DAAM1: variants seen among roughly 807,000 people sequenced by gnomAD.
DAAM1 encodes dishevelled associated activator of morphogenesis 1, also known as disheveled-associated activator of morphogenesis 1.
Under a neutral mutation model 130.0 loss-of-function variants are expected in DAAM1, and 52 were observed. That is an observed-to-expected ratio of 0.40 (90% CI 0.32 to 0.50). The LOEUF (loss-of-function observed/expected upper bound fraction) is 0.50, where lower values mean the gene tolerates loss of function less well. Among genes scored for constraint, DAAM1 ranks in the 20% least tolerant of loss-of-function variants. The pLI is 0.61. For synonymous variants in DAAM1, 452 were observed against 444.5 expected (o/e 1.02, Z -0.21); for missense variants, 1,134 against 1,303.8 (o/e 0.87, Z 2.01).
At chr14:59,359,906 G>A (rs1886638971) in intron 21 of DAAM1, among the ~76,000 whole-genome samples, 1 of 152,112 alleles carries the variant, frequency 6.6e-6, no homozygotes, top group South Asian at 2.1e-4. Context: ...TGCAAATGAA[G>A]AAACTAAAAA....
At chr14:59,355,404 G>C (rs1886438476) in intron 20 of DAAM1, 71 bp downstream of exon 20, 2 of 1,573,250 alleles carry the variant, frequency 1.3e-6, no homozygotes, top group African/African-American at 1.4e-5. Flanking sequence ...ATGCCTCTCT[G>C]GTCCTCCTCA....
At chr14:59,364,887 AT>A (rs1886854972) in intron 23 of DAAM1, among the ~76,000 whole-genome samples, 1 of 150,082 alleles carries the variant, frequency 6.7e-6, no homozygotes, top group African/African-American at 2.4e-5. Context: ...CAGTCAACTC[AT>A]GTCAGCAACC....
At chr14:59,226,907 C>T (rs1422173658) in intron 1 of DAAM1, among the ~76,000 whole-genome samples, 3 of 152,102 alleles carry the variant, frequency 2.0e-5, no homozygotes, top group Admixed American at 1.3e-4. Flanking sequence ...TGGCATTGCC[C>T]AACTCCAGTC....
intron 15 of DAAM1, among the ~76,000 whole-genome samples, chr14:59,337,927 GTTTA>G (rs891267822): frequency 5.3e-5 from 8 of 152,104 alleles, no homozygotes; most frequent in African/African-American, 1.2e-4. Context: ...ATCAAAAAAA[GTTTA>G]TTTATTTATG....
chr14:59,227,482 G>C (rs945672275), intron 1 of DAAM1, among the ~76,000 whole-genome samples: 1 of 152,210 alleles, frequency 6.6e-6, no homozygotes, highest in African/African-American at 2.4e-5. Context: ...CCAGGTACTA[G>C]AAGTATGATT....
intron 15 of DAAM1, among the ~76,000 whole-genome samples, chr14:59,338,820 G>A (rs1028858046): frequency 1.3e-5 from 2 of 151,868 alleles, no homozygotes; most frequent in African/African-American, 2.4e-5. Context: ...TATAAGACTT[G>A]GACTATTGTC....
chr14:59,331,567 T>C (rs1885443986), intron 14 of DAAM1, 59 bp downstream of exon 14: 5 of 1,521,212 alleles, frequency 3.3e-6, no homozygotes, highest in Non-Finnish European at 3.5e-6. Context: ...CATTGTGTTA[T>C]CACTGAAAGG....
chr14:59,232,677 G>T (rs1175435564), intron 1 of DAAM1, among the ~76,000 whole-genome samples: 1 of 148,318 alleles, frequency 6.7e-6, no homozygotes, highest in African/African-American at 2.5e-5. Context: ...TGCAGAATGT[G>T]CAGGTTTGTT....
chr14:59,361,359 A>G (rs1886698467), intron 22 of DAAM1, among the ~76,000 whole-genome samples: 1 of 152,206 alleles, frequency 6.6e-6, no homozygotes, highest in African/African-American at 2.4e-5. Context: ...AGGTGTTGCA[A>G]TAATCGGAGC....
rs1886113204 is a variant in DAAM1, at chr14:59,347,084, T to C, written c.2076-455T>C. On this transcript the variant is annotated intron_variant, in intron 16 of 24. Transcript: ENST00000360909. ...CAGATTTTACTTTGCATATTATCTG[T>C]TGCTCAACTTTTTAACAATAACATG... is the stretch of plus-strand genomic sequence containing the variant. 2.0e-5 allele frequency among the ~76,000 whole-genome samples: 3 copies of C among 152,060 alleles called. 1 individual carries two copies. In the South Asian group the frequency reaches 6.2e-4, roughly 31 times the overall value.
Position 59,370,662 on chromosome 14 carries a change from T to C in DAAM1, c.*1803T>C, listed in dbSNP as rs1302200877. 1 of 152,048 alleles carries C rather than the reference T, an allele frequency of 6.6e-6. No homozygotes were observed. Among genetic ancestry groups the C allele is most frequent in the Non-Finnish European group, 1.5e-5 (1 of 67,998 alleles). The allele number at this position is 152,048 out of a possible 1,614,324, so 9.4% of individuals were successfully genotyped here. On this transcript the variant is annotated 3_prime_UTR_variant, in exon 25 of 25. Coordinates refer to ENST00000360909, the MANE Select transcript of DAAM1 (RefSeq NM_001270520.2). ...AAATGACTAGCAAATAAAACAGTCA[T>C]AAATACAAAGCAGAGGTTGCACTCC...
intron 1 of DAAM1, among the ~76,000 whole-genome samples, chr14:59,254,647 CCT>C (rs2139487649): frequency 6.6e-6 from 1 of 152,258 alleles, no homozygotes; most frequent in East Asian, 1.9e-4. Context: ...GGGTTTGGCT[CCT>C]CTCCCAGATG....
At chr14:59,217,502 T>A (rs1004798638) in intron 1 of DAAM1, among the ~76,000 whole-genome samples, 30 of 152,306 alleles carry the variant, frequency 2.0e-4, no homozygotes, top group African/African-American at 6.7e-4. Context: ...GCTGCTGTTA[T>A]GGTATTGATT....
At chr14:59,280,328 G>A (rs960881645) in intron 2 of DAAM1, among the ~76,000 whole-genome samples, 2 of 152,092 alleles carry the variant, frequency 1.3e-5, no homozygotes, top group Non-Finnish European at 2.9e-5. Context: ...TCAGCACTTT[G>A]GGAGGCTGAG....
chr14:59,328,390 A>C (rs557990262), intron 12 of DAAM1, among the ~76,000 whole-genome samples: 70 of 152,352 alleles, frequency 4.6e-4, no homozygotes, highest in African/African-American at 1.7e-3. Flanking sequence ...ATAGTCAATG[A>C]GTGGATATTT....
intron 3 of DAAM1, among the ~76,000 whole-genome samples, chr14:59,309,361 A>G (rs918813871): frequency 6.6e-6 from 1 of 152,240 alleles, no homozygotes; most frequent in African/African-American, 2.4e-5. Context: ...GAAAAAGTTC[A>G]GGTTACTGGG....
intron 18 of DAAM1, among the ~76,000 whole-genome samples, chr14:59,353,074 C>G (rs907217219): frequency 2.6e-5 from 4 of 152,108 alleles, no homozygotes; most frequent in Admixed American, 2.0e-4. Flanking sequence ...CAACCAGGGT[C>G]TAGATGTCAG....
intron 23 of DAAM1, 69 bp downstream of exon 23, chr14:59,363,851 T>C: frequency 6.3e-7 from 1 of 1,595,678 alleles, no homozygotes; most frequent in Non-Finnish European, 8.5e-7. Context: ...CTTTCAGTTA[T>C]TATTCTGTAC....
chr14:59,304,667 G>T (rs1884308012), intron 3 of DAAM1, among the ~76,000 whole-genome samples: 1 of 152,130 alleles, frequency 6.6e-6, no homozygotes, highest in African/African-American at 2.4e-5. Context: ...CTGATACAGT[G>T]GTATCTTCTA....
Sources: gnomAD v4.1 joint callset for allele counts (sites outside exome capture counted in the v4.1 genomes callset) on GRCh38, gnomAD v4.1.1 for gene constraint, MANE v1.5 for transcripts, NCBI Gene and HGNC (gene_info 2026-07-23, HGNC 2026-07-21) for gene names.